The following MECOM variants were observed in gnomAD, a reference collection of about 807,000 sequenced individuals.
The protein encoded by MECOM is MDS1 and EVI1 complex locus, also known as histone-lysine N-methyltransferase MECOM.
MECOM carries 13 observed loss-of-function variants against 116.3 expected under a neutral mutation model. That is an observed-to-expected ratio of 0.11 (90% CI 0.07 to 0.18). MECOM has a LOEUF of 0.18. Among genes scored for constraint, MECOM ranks in the 10% least tolerant of loss-of-function variants. MECOM has a pLI of 1.00. For synonymous variants in MECOM, 528 were observed against 535.2 expected, an observed-to-expected ratio of 0.99 and a Z score of 0.19; for missense variants, 1,299 against 1,509.0, an observed-to-expected ratio of 0.86 and a Z score of 2.31.
chr3:169,110,839 T>C (rs989395951), intron 9 of MECOM, among the ~76,000 whole-genome samples: 1 of 152,114 alleles, frequency 6.6e-6, no homozygotes, highest in Admixed American at 6.5e-5. Flanking sequence ...CATTCTGGTG[T>C]AGGAGGGAAT....
chr3:169,308,600 T>G (rs1015852840), intron 2 of MECOM, among the ~76,000 whole-genome samples: 2 of 152,218 alleles, frequency 1.3e-5, no homozygotes, highest in Non-Finnish European at 2.9e-5. Flanking sequence ...GCATATAACT[T>G]CATGCATTGT....
At chr3:169,417,478 GGA>G (rs1738865403) in intron 1 of MECOM, among the ~76,000 whole-genome samples, 1 of 152,152 alleles carries the variant, frequency 6.6e-6, no homozygotes, top group Non-Finnish European at 1.5e-5. Context: ...GAGTGGATGT[GGA>G]GAAATAGGAA....
intron 1 of MECOM, among the ~76,000 whole-genome samples, chr3:169,614,674 A>G (rs557711069): frequency 2.0e-5 from 3 of 152,090 alleles, no homozygotes; most frequent in Non-Finnish European, 4.4e-5. Flanking sequence ...CAAATCTACC[A>G]GGTAATAAGC....
At chr3:169,437,924 G>A (rs1316813837) in intron 1 of MECOM, among the ~76,000 whole-genome samples, 3 of 152,172 alleles carry the variant, frequency 2.0e-5, no homozygotes, top group African/African-American at 7.2e-5. Flanking sequence ...AATGTATCAA[G>A]GGATGTTTTA....
chr3:169,586,136 A>C (rs1344103039), intron 1 of MECOM, among the ~76,000 whole-genome samples: 1 of 152,258 alleles, frequency 6.6e-6, no homozygotes, highest in Non-Finnish European at 1.5e-5. Context: ...CTAATCAATA[A>C]GTGGTTTTAA....
At chr3:169,140,870 A>C (rs1049449172) in intron 3 of MECOM, among the ~76,000 whole-genome samples, 9 of 152,068 alleles carry the variant, frequency 5.9e-5, no homozygotes, top group African/African-American at 1.7e-4. Context: ...CTTAAAAACC[A>C]AAATCCATGC....
At chr3:169,531,570 C>T (rs1299482306) in intron 1 of MECOM, among the ~76,000 whole-genome samples, 2 of 152,108 alleles carry the variant, frequency 1.3e-5, no homozygotes, top group Non-Finnish European at 2.9e-5. Flanking sequence ...ACATGGCCAT[C>T]AAACTACAAA....
chr3:169,570,531 A>G (rs1763766601), intron 1 of MECOM, among the ~76,000 whole-genome samples: 1 of 152,226 alleles, frequency 6.6e-6, no homozygotes, highest in Non-Finnish European at 1.5e-5. Context: ...AAAAAGACAC[A>G]TTAAAAAAAG....
chr3:169,534,071 C>G (rs1759013397), intron 1 of MECOM, among the ~76,000 whole-genome samples: 1 of 152,188 alleles, frequency 6.6e-6, no homozygotes, highest in South Asian at 2.1e-4. Context: ...CCAGAGATAC[C>G]TAGAGTGCTT....
chr3:169,421,297 A>G (rs1356112628), intron 1 of MECOM, among the ~76,000 whole-genome samples: 1 of 152,182 alleles, frequency 6.6e-6, no homozygotes, highest in African/African-American at 2.4e-5. Context: ...ACTTTTGTGA[A>G]CACAATTGTA....
intron 2 of MECOM, among the ~76,000 whole-genome samples, chr3:169,249,797 A>C (rs1756026984): frequency 6.6e-6 from 1 of 152,218 alleles, no homozygotes; most frequent in South Asian, 2.1e-4. Context: ...AAAATCCAAA[A>C]GGTGGCCCTC....
intron 4 of MECOM, among the ~76,000 whole-genome samples, chr3:169,128,913 C>T (rs12491785): frequency 0.54 from 82,678 of 151,960 alleles, 23,583 homozygotes; most frequent in Admixed American, 0.66. Flanking sequence ...AAGCCACACT[C>T]CGCACAGATC....
intron 5 of MECOM, among the ~76,000 whole-genome samples, chr3:169,125,864 A>T (rs533621383): frequency 6.6e-6 from 1 of 152,044 alleles, no homozygotes; most frequent in African/African-American, 2.4e-5. Context: ...TCAAGATTTT[A>T]CATAAAGGAT....
chr3:169,485,294 C>T (rs369027040), intron 1 of MECOM, among the ~76,000 whole-genome samples: 1 of 152,114 alleles, frequency 6.6e-6, no homozygotes, highest in Non-Finnish European at 1.5e-5. Flanking sequence ...TGCACCCAGC[C>T]GCTCTTGCTC....
At chr3:169,339,978 C>T (rs1320423906) in intron 2 of MECOM, among the ~76,000 whole-genome samples, 2 of 152,088 alleles carry the variant, frequency 1.3e-5, no homozygotes, top group African/African-American at 2.4e-5. Flanking sequence ...ACAAGTGGGC[C>T]ACATTTGAAA....
At chr3:169,212,669 T>TGCA (rs1750916006) in intron 2 of MECOM, among the ~76,000 whole-genome samples, 1 of 99,568 alleles carries the variant, frequency 1.0e-5, no homozygotes, top group Non-Finnish European at 2.0e-5. Flanking sequence ...TATATATATA[T>TGCA]ATATATATAT....
intron 1 of MECOM, among the ~76,000 whole-genome samples, chr3:169,655,693 G>C (rs1241646279): frequency 1.3e-5 from 2 of 152,118 alleles, no homozygotes; most frequent in African/African-American, 4.8e-5. Context: ...CATTCTGAGG[G>C]CATAATTTAT....
intron 1 of MECOM, among the ~76,000 whole-genome samples, chr3:169,385,255 A>T (rs1251385433): frequency 2.6e-5 from 4 of 152,204 alleles, no homozygotes; most frequent in Non-Finnish European, 5.9e-5. Context: ...GAGACAAAAT[A>T]CATGTGTGTG....
chr3:169,339,527 T>C (rs1332883395), intron 2 of MECOM, among the ~76,000 whole-genome samples: 1 of 152,208 alleles, frequency 6.6e-6, no homozygotes, highest in Non-Finnish European at 1.5e-5. Context: ...AAAAGTGTGA[T>C]CCCTGGACCA....
Sources: allele counts gnomAD v4.1 joint callset (sites outside exome capture counted in the v4.1 genomes callset), GRCh38; gene constraint gnomAD v4.1.1; transcripts MANE v1.5; gene names NCBI Gene and HGNC (gene_info 2026-07-23, HGNC 2026-07-21).